RBFOX1: variants seen among roughly 807,000 people sequenced by gnomAD.
The protein encoded by RBFOX1 is RNA binding fox-1 homolog 1, also known as RNA binding protein fox-1 homolog 1.
A neutral mutation model predicts 57.7 loss-of-function variants in RBFOX1; 8 were observed. That is an observed-to-expected ratio of 0.14 (90% CI 0.08 to 0.25). The LOEUF is 0.25. RBFOX1 is among the 10% of genes least tolerant of loss of function. The pLI, the probability that RBFOX1 is intolerant of heterozygous loss-of-function variation, is 1.00. For missense variants in RBFOX1, 611 were observed against 548.5 expected (o/e 1.11, Z -1.14); for synonymous variants, 326 against 222.4 (o/e 1.47, Z -4.15).
chr16:5,999,897 AAAAAAAAAAAGAGTG>A (rs1357377126), intron 4 of RBFOX1, among the ~76,000 whole-genome samples: 1,901 of 62,322 alleles, frequency 0.031, 480 homozygotes, highest in Non-Finnish European at 0.048. Flanking sequence ...AAAAAAAAAA[AAAAAAAAAAAGAGTG>A]AAGAAGGGAA....
chr16:5,302,052 T>A (rs1443660635), intron 1 of RBFOX1, among the ~76,000 whole-genome samples: 1 of 152,158 alleles, frequency 6.6e-6, no homozygotes, highest in East Asian at 1.9e-4. Context: ...TTTACAGCTT[T>A]CTTATTTTTT....
intron 2 of RBFOX1, among the ~76,000 whole-genome samples, chr16:5,565,858 C>T (rs1358623339): frequency 6.6e-6 from 1 of 151,916 alleles, no homozygotes; most frequent in Non-Finnish European, 1.5e-5. Context: ...TTGGCTGCGT[C>T]CCTACCCATG....
chr16:6,723,265 G>A (rs555219072), intron 3 of RBFOX1, among the ~76,000 whole-genome samples: 15 of 152,298 alleles, frequency 9.8e-5, no homozygotes, highest in African/African-American at 2.9e-4. Flanking sequence ...CAGTTTCTTC[G>A]TGTTTCTTAC....
At chr16:6,414,587 G>C (rs2093567679) in intron 2 of RBFOX1, among the ~76,000 whole-genome samples, 1 of 152,142 alleles carries the variant, frequency 6.6e-6, no homozygotes, top group Non-Finnish European at 1.5e-5. Flanking sequence ...TTAAGCAAAG[G>C]GGTCTCATTC....
intron 4 of RBFOX1, among the ~76,000 whole-genome samples, chr16:7,342,559 C>T (rs1282225972): frequency 2.0e-5 from 3 of 152,062 alleles, no homozygotes; most frequent in Non-Finnish European, 4.4e-5. Context: ...TTTGATAAAT[C>T]GAGATGCTCT....
intron 1 of RBFOX1, among the ~76,000 whole-genome samples, chr16:5,338,809 A>G (rs1219191316): frequency 6.6e-6 from 1 of 152,020 alleles, no homozygotes; most frequent in Non-Finnish European, 1.5e-5. Context: ...GGTGGTTGCT[A>G]CCACACCTGC....
At chr16:6,928,206 C>G (rs919981655) in intron 3 of RBFOX1, among the ~76,000 whole-genome samples, 28 of 152,258 alleles carry the variant, frequency 1.8e-4, no homozygotes, top group African/African-American at 6.7e-4. Flanking sequence ...AGATTGATGT[C>G]TGGGTACTGC....
intron 4 of RBFOX1, among the ~76,000 whole-genome samples, chr16:5,877,639 A>G (rs934789269): frequency 2.6e-5 from 4 of 152,224 alleles, no homozygotes; most frequent in Non-Finnish European, 5.9e-5. Flanking sequence ...CATCAGTTAC[A>G]GTAGCAGCAG....
chr16:6,965,198 G>A (rs189337906), intron 3 of RBFOX1, among the ~76,000 whole-genome samples: 45 of 151,968 alleles, frequency 3.0e-4, no homozygotes, highest in Non-Finnish European at 6.0e-4. Context: ...AGAGGTGGGT[G>A]GTGTAAATCA....
At chr16:7,553,278 G>A (rs2152564240) in intron 5 of RBFOX1, among the ~76,000 whole-genome samples, 1 of 152,138 alleles carries the variant, frequency 6.6e-6, no homozygotes, top group Admixed American at 6.5e-5. Flanking sequence ...TAGAGTAGCT[G>A]GGGCTACAGG....
At chr16:5,284,655 C>T (rs1371143658) in intron 1 of RBFOX1, among the ~76,000 whole-genome samples, 10 of 150,246 alleles carry the variant, frequency 6.7e-5, no homozygotes, top group African/African-American at 2.4e-4. Context: ...GATCTTCCTG[C>T]CTCAGTCTTC....
intron 4 of RBFOX1, among the ~76,000 whole-genome samples, chr16:7,256,172 G>C (rs1185396081): frequency 6.6e-6 from 1 of 152,186 alleles, no homozygotes; most frequent in Admixed American, 6.5e-5. Flanking sequence ...CCTATTTTCA[G>C]TCGAGGCGAG....
intron 4 of RBFOX1, among the ~76,000 whole-genome samples, chr16:7,113,825 A>T (rs1438738716): frequency 6.6e-6 from 1 of 152,146 alleles, no homozygotes; most frequent in Non-Finnish European, 1.5e-5. Context: ...GATGGACATT[A>T]AAGTGGCCTC....
At chr16:5,866,818 C>G (rs1314518612) in intron 3 of RBFOX1, among the ~76,000 whole-genome samples, 1 of 152,164 alleles carries the variant, frequency 6.6e-6, no homozygotes, top group African/African-American at 2.4e-5. Context: ...ATTCCTGGCA[C>G]AACTCTATTT....
intron 1 of RBFOX1, among the ~76,000 whole-genome samples, chr16:6,045,574 C>G (rs1456713068): frequency 6.6e-6 from 1 of 152,094 alleles, no homozygotes; most frequent in Non-Finnish European, 1.5e-5. Context: ...TGTCAGACAC[C>G]AGGCATCTTT....
At chr16:6,085,830 T>G (rs1035171481) in intron 1 of RBFOX1, among the ~76,000 whole-genome samples, 2 of 152,172 alleles carry the variant, frequency 1.3e-5, no homozygotes, top group Admixed American at 6.5e-5. Context: ...TTCTTTTTTT[T>G]TGTTTAAGTT....
rs1405618451 is a variant in RBFOX1 at position 6,780,057 on chromosome 16, ATATATT to A, written c.-16+125413_-16+125418del. ...TATTTATATATATTTACATATTTAT[ATATATT>A]TATATATATTTACATATTTATATAT... On this transcript the variant is annotated intron_variant, in intron 3 of 15. Transcript: ENST00000550418. Among the ~76,000 whole-genome samples, 2 of 20,480 alleles carry A rather than the reference ATATATT, an allele frequency of 9.8e-5. 1 individual carries two copies. Among genetic ancestry groups the A allele is most frequent in the Non-Finnish European group, 1.5e-4 (2 of 13,522 alleles). The allele number at this position is 20,480 out of a possible 152,430, so 13.4% of individuals were successfully genotyped here. A position where few individuals can be genotyped will look rare whatever the true frequency, so the allele number is the denominator to read the frequency against.
intron 5 of RBFOX1, among the ~76,000 whole-genome samples, chr16:7,561,215 A>T (rs1192404045): frequency 6.6e-6 from 1 of 152,238 alleles, no homozygotes; most frequent in African/African-American, 2.4e-5. Flanking sequence ...TTTTACAAAT[A>T]AAGTTTTATC....
chr16:7,232,572 C>T (rs368044835), intron 4 of RBFOX1, among the ~76,000 whole-genome samples: 60 of 152,036 alleles, frequency 3.9e-4, no homozygotes, highest in African/African-American at 1.4e-3. Flanking sequence ...CAGGCATAAG[C>T]GGCTCATGCC....
Sources: allele counts gnomAD v4.1 joint callset (sites outside exome capture counted in the v4.1 genomes callset), GRCh38; gene constraint gnomAD v4.1.1; transcripts MANE v1.5; gene names NCBI Gene and HGNC (gene_info 2026-07-23, HGNC 2026-07-21).